GIPC2: variants seen among roughly 807,000 people sequenced by gnomAD.
The protein encoded by GIPC2 is PDZ domain-containing protein GIPC2.
GIPC2 carries 30 observed loss-of-function variants against 30.6 expected under a neutral mutation model. That is an observed-to-expected ratio of 0.98 (90% CI 0.73 to 1.33). The LOEUF is 1.33. Among genes scored for constraint, GIPC2 ranks in the 40% most tolerant of loss-of-function variants. GIPC2 has a pLI of 0.00. For missense variants in GIPC2, 414 were observed against 390.3 expected, an observed-to-expected ratio of 1.06 and a Z score of -0.51; for synonymous variants, 167 against 150.0, an observed-to-expected ratio of 1.11 and a Z score of -0.83.
At chr1:78,089,899 A>G (rs549436732) in intron 2 of GIPC2, among the ~76,000 whole-genome samples, 44 of 152,344 alleles carry the variant, frequency 2.9e-4, no homozygotes, top group Non-Finnish European at 5.3e-4. Flanking sequence ...CCCATGTAGC[A>G]CAAAAACAGT....
chr1:78,083,841 T>C (rs1661876546), intron 2 of GIPC2, among the ~76,000 whole-genome samples: 1 of 152,214 alleles, frequency 6.6e-6, no homozygotes, highest in Non-Finnish European at 1.5e-5. Context: ...TCCTATCATT[T>C]TATTGAGTAG....
At chr1:78,050,291 T>G (rs566620925) in intron 1 of GIPC2, among the ~76,000 whole-genome samples, 88 of 151,010 alleles carry the variant, frequency 5.8e-4, no homozygotes, top group African/African-American at 2.0e-3. Context: ...TGTAAACAAA[T>G]TTTTTTTTTC....
In GIPC2 at chr1:78,119,225, A is replaced by G. The variant is rs1233158250; in HGVS notation, c.608-168A>G. 3.9e-5 allele frequency among the ~76,000 whole-genome samples: 6 copies of G among 152,222 alleles called. No individual in the cohort carries two copies. The South Asian group carries it at 8.3e-4, about 21-fold the overall frequency. ...GACTCTCTTATAAGAATAATGGATG[A>G]CAAGTACATTTATTTTGCTTCGGGA... On this transcript the variant is annotated intron_variant, in intron 3 of 5. Transcript: ENST00000370759.
intron 1 of GIPC2, among the ~76,000 whole-genome samples, chr1:78,060,757 C>T (rs1437117185): frequency 6.6e-6 from 1 of 151,696 alleles, no homozygotes; most frequent in African/African-American, 2.4e-5. Context: ...CCACCCAGAA[C>T]CATCTATTGT....
chr1:78,065,823 G>A (rs1661499086), intron 1 of GIPC2, among the ~76,000 whole-genome samples: 1 of 152,116 alleles, frequency 6.6e-6, no homozygotes, highest in Admixed American at 6.5e-5. Context: ...AAATGGTGCT[G>A]GGATGACTGG....
At chr1:78,101,711 A>C (rs2100392575) in intron 3 of GIPC2, among the ~76,000 whole-genome samples, 1 of 152,298 alleles carries the variant, frequency 6.6e-6, no homozygotes, top group Non-Finnish European at 1.5e-5. Context: ...CAGCATTCCC[A>C]GTCCTTATCA....
intron 5 of GIPC2, among the ~76,000 whole-genome samples, chr1:78,130,043 A>G (rs1243065570): frequency 2.6e-5 from 4 of 151,610 alleles, no homozygotes; most frequent in Non-Finnish European, 5.9e-5. Context: ...CTCTTGAAAA[A>G]GTATGCAGTA....
At chr1:78,104,123 A>G (rs1662299683) in intron 3 of GIPC2, among the ~76,000 whole-genome samples, 1 of 151,616 alleles carries the variant, frequency 6.6e-6, no homozygotes, top group African/African-American at 2.4e-5. Context: ...CCTTCAAAGC[A>G]AAACCAAGAG....
At chr1:78,100,347 G>T (rs977426040) in intron 3 of GIPC2, among the ~76,000 whole-genome samples, 1 of 152,150 alleles carries the variant, frequency 6.6e-6, no homozygotes, top group South Asian at 2.1e-4. Context: ...GTAAGTCAGG[G>T]CTCTTTATTT....
intron 5 of GIPC2, among the ~76,000 whole-genome samples, chr1:78,127,433 A>G (rs866430159): frequency 3.9e-5 from 6 of 152,212 alleles, no homozygotes; most frequent in Non-Finnish European, 1.5e-5. Context: ...TAAAGGTGAA[A>G]ACAGAGGGAA....
intron 2 of GIPC2, among the ~76,000 whole-genome samples, chr1:78,084,269 T>C (rs1401218640): frequency 1.3e-5 from 2 of 152,154 alleles, no homozygotes; most frequent in Non-Finnish European, 2.9e-5. Context: ...ATCCCAGCAC[T>C]TTGGGAGGCT....
chr1:78,132,382 A>G (rs1662915538), intron 5 of GIPC2, among the ~76,000 whole-genome samples: 1 of 152,182 alleles, frequency 6.6e-6, no homozygotes, highest in Non-Finnish European at 1.5e-5. Context: ...TCTGGGCAGT[A>G]CTGAGTGTGG....
At chr1:78,089,366 T>A (rs957611438) in intron 2 of GIPC2, among the ~76,000 whole-genome samples, 1 of 152,202 alleles carries the variant, frequency 6.6e-6, no homozygotes, top group African/African-American at 2.4e-5. Flanking sequence ...GGTATAAATA[T>A]AATGACACGC....
chr1:78,125,793 G>A (rs1426570551), intron 4 of GIPC2, 88 bp from the exon 5 acceptor site: 20 of 706,486 alleles, frequency 2.8e-5, no homozygotes, highest in African/African-American at 1.3e-4. Flanking sequence ...ATTATGAACC[G>A]GCTCCACATC....
chr1:78,095,086 G>A lies in GIPC2; in HGVS notation c.561G>A (p.Lys187=). The change falls in exon 3 of 6, where the codon AAG becomes AAA. Residue 187 remains lysine, a synonymous_variant. Coordinates refer to ENST00000370759, the MANE Select transcript of GIPC2 (RefSeq NM_017655.6). ...CTAAGAAGTTAAAGGAATTAAAAAA[G>A]GAGGAACTCTTTACTATGAAGTTAA... ...DVAKKLKELK[K]EELFTMKLIE... 2 of 1,612,622 alleles carry A rather than the reference G, an allele frequency of 1.2e-6. No individual in the cohort carries two copies. The highest frequency in any genetic ancestry group is 1.7e-4 in the Middle Eastern group (1 of 6,060).
chr1:78,061,572 C>T (rs574922205), intron 1 of GIPC2, among the ~76,000 whole-genome samples: 8 of 151,690 alleles, frequency 5.3e-5, no homozygotes, highest in Admixed American at 2.0e-4. Flanking sequence ...GCGATCTGGG[C>T]TCACTGCAAC....
At chr1:78,127,927 G>T (rs1477233877) in intron 5 of GIPC2, among the ~76,000 whole-genome samples, 1 of 152,016 alleles carries the variant, frequency 6.6e-6, no homozygotes, top group Non-Finnish European at 1.5e-5. Context: ...AGGCTCAAGT[G>T]ATCCCCCTGT....
At chr1:78,066,383 A>G (rs1661512249) in intron 1 of GIPC2, among the ~76,000 whole-genome samples, 1 of 152,220 alleles carries the variant, frequency 6.6e-6, no homozygotes, top group Non-Finnish European at 1.5e-5. Flanking sequence ...GTCAAAAAAT[A>G]ACAGATGCTG....
At chr1:78,119,057 C>CT (rs368967540) in intron 3 of GIPC2, among the ~76,000 whole-genome samples, 32 of 151,804 alleles carry the variant, frequency 2.1e-4, no homozygotes, top group African/African-American at 7.2e-4. Context: ...GATTCTTTCC[C>CT]TTTTTTTGTG....
Sources: allele counts gnomAD v4.1 joint callset (sites outside exome capture counted in the v4.1 genomes callset), GRCh38; gene constraint gnomAD v4.1.1; transcripts MANE v1.5; gene names NCBI Gene and HGNC (gene_info 2026-07-23, HGNC 2026-07-21).